Variants in SLC9A9 observed in about 807,000 individuals in gnomAD.
SLC9A9 encodes sodium/hydrogen exchanger 9.
Under a neutral mutation model 77.8 loss-of-function variants are expected in SLC9A9, and 62 were observed. The ratio of observed to expected loss-of-function variants is 0.80; its 90% confidence interval spans 0.65 to 0.98. SLC9A9 has a LOEUF of 0.98. Among genes scored for constraint, SLC9A9 ranks in the 50% least tolerant of loss-of-function variants. The pLI is 0.00. For missense variants in SLC9A9, 775 were observed against 774.9 expected, an observed-to-expected ratio of 1.00 and a Z score of 0.00; for synonymous variants, 320 against 283.5, an observed-to-expected ratio of 1.13 and a Z score of -1.29.
Position 143,832,292 on chromosome 3 carries a change from G to C in SLC9A9, c.176-71C>G, listed in dbSNP as rs1342748210. 32 of 1,349,596 alleles carry C rather than the reference G, an allele frequency of 2.4e-5. No homozygotes were observed. The Admixed American group carries it at 5.7e-4, about 24-fold the overall frequency. 83.6% of individuals were successfully genotyped at this position (1,349,596 alleles called of 1,614,324 possible). Reference sequence around the variant, plus strand: ...AAATGCCACTATTGGAAACCTATATGATTTGGAACCTTCAGAAGTGACAGG... The same window carrying C: ...AAATGCCACTATTGGAAACCTATATCATTTGGAACCTTCAGAAGTGACAGG... On this transcript the variant is annotated intron_variant, in intron 1 of 15. Transcript: ENST00000316549.
At chr3:143,614,014 T>C (rs539174475) in intron 6 of SLC9A9, among the ~76,000 whole-genome samples, 2 of 152,334 alleles carry the variant, frequency 1.3e-5, no homozygotes, top group South Asian at 4.1e-4. Context: ...GTATCTCTCT[T>C]CTATTCAAAT....
intron 9 of SLC9A9, among the ~76,000 whole-genome samples, chr3:143,525,342 T>C (rs1171212028): frequency 6.6e-6 from 1 of 152,198 alleles, no homozygotes; most frequent in Non-Finnish European, 1.5e-5. Context: ...GATATCCCTG[T>C]GTGAGGTAGA....
At chr3:143,417,683 C>T (rs1373850126) in intron 12 of SLC9A9, among the ~76,000 whole-genome samples, 1 of 152,022 alleles carries the variant, frequency 6.6e-6, no homozygotes, top group African/African-American at 2.4e-5. Context: ...AGAGCCCACA[C>T]CAGGAACAGA....
intron 6 of SLC9A9, among the ~76,000 whole-genome samples, chr3:143,618,495 A>G (rs915765598): frequency 2.0e-5 from 3 of 152,174 alleles, no homozygotes; most frequent in Non-Finnish European, 4.4e-5. Context: ...GTAGAAAACC[A>G]CAGACATCCC....
chr3:143,717,129 ACCT>A (rs1560046153), intron 4 of SLC9A9, among the ~76,000 whole-genome samples: 1 of 152,172 alleles, frequency 6.6e-6, no homozygotes, highest in Non-Finnish European at 1.5e-5. Context: ...ACTAAACATA[ACCT>A]CATACAGATC....
intron 14 of SLC9A9, among the ~76,000 whole-genome samples, chr3:143,280,002 G>C (rs994793735): frequency 6.6e-6 from 1 of 152,038 alleles, no homozygotes; most frequent in African/African-American, 2.4e-5. Context: ...AATTTTTTTT[G>C]TAGGGACAGG....
At chr3:143,567,138 T>C (rs2037181726) in intron 8 of SLC9A9, among the ~76,000 whole-genome samples, 1 of 152,066 alleles carries the variant, frequency 6.6e-6, no homozygotes, top group African/African-American at 2.4e-5. Flanking sequence ...ACAGAGAGAA[T>C]TCCTTAGGGT....
chr3:143,619,957 G>A (rs2038172268), intron 6 of SLC9A9, among the ~76,000 whole-genome samples: 1 of 152,330 alleles, frequency 6.6e-6, no homozygotes, highest in African/African-American at 2.4e-5. Context: ...GGAAGTGGCA[G>A]AGGTGGAGCT....
chr3:143,662,242 T>C (rs558911851), intron 5 of SLC9A9, among the ~76,000 whole-genome samples: 1 of 152,218 alleles, frequency 6.6e-6, no homozygotes, highest in African/African-American at 2.4e-5. Flanking sequence ...ATTTTAGCCC[T>C]ACAGTAATCC....
chr3:143,378,881 C>T (rs888301600), intron 13 of SLC9A9, among the ~76,000 whole-genome samples: 5 of 152,144 alleles, frequency 3.3e-5, no homozygotes, highest in African/African-American at 1.2e-4. Flanking sequence ...AATTGTGTAA[C>T]ACCATTCACA....
chr3:143,388,255 T>C (rs2033473103), intron 12 of SLC9A9, among the ~76,000 whole-genome samples: 1 of 152,186 alleles, frequency 6.6e-6, no homozygotes, highest in Non-Finnish European at 1.5e-5. Flanking sequence ...CTGGAGTTTG[T>C]GTAAGACCAA....
intron 9 of SLC9A9, among the ~76,000 whole-genome samples, chr3:143,526,748 G>T (rs780803666): frequency 3.3e-5 from 5 of 152,106 alleles, no homozygotes; most frequent in Non-Finnish European, 7.4e-5. Flanking sequence ...TCCTTGCCAG[G>T]GTTTGAGGCT....
rs550592539 is a variant in SLC9A9 at position 143,369,645 on chromosome 3, T to C, written c.1525-6082A>G. Among the ~76,000 whole-genome samples the C allele has an allele frequency of 7.2e-5, 11 of 152,198 alleles. No homozygotes were observed. The East Asian group carries it at 2.1e-3, about 29-fold the overall frequency. The stretch of plus-strand genomic sequence containing the variant: ...ACAATTATTACGTGCCAGTTAAAAA[T>C]TTTAAAATTAAAAAAAAATCTCTTT... On this transcript the variant is annotated intron_variant, in intron 13 of 15. Transcript: ENST00000316549.
intron 9 of SLC9A9, among the ~76,000 whole-genome samples, chr3:143,528,622 A>T (rs2036447652): frequency 6.6e-6 from 1 of 152,216 alleles, no homozygotes; most frequent in Admixed American, 6.5e-5. Flanking sequence ...CAAGCTGCTT[A>T]GCACCATGAA....
intron 14 of SLC9A9, among the ~76,000 whole-genome samples, chr3:143,363,200 C>A (rs2032801177): frequency 6.6e-6 from 1 of 152,186 alleles, no homozygotes; most frequent in South Asian, 2.1e-4. Flanking sequence ...AACAGCAAAA[C>A]AGCTTCTTCA....
At chr3:143,339,450 T>A (rs760921288) in intron 14 of SLC9A9, among the ~76,000 whole-genome samples, 1 of 152,220 alleles carries the variant, frequency 6.6e-6, no homozygotes, top group South Asian at 2.1e-4. Flanking sequence ...GGATTTTCTC[T>A]GCTTGAATCC....
chr3:143,299,033 T>C (rs1259875239), intron 14 of SLC9A9, among the ~76,000 whole-genome samples: 1 of 152,210 alleles, frequency 6.6e-6, no homozygotes, highest in African/African-American at 2.4e-5. Flanking sequence ...GCCTGTATTA[T>C]TGTATGCTCG....
At chr3:143,671,244 A>G (rs1299930107) in intron 5 of SLC9A9, among the ~76,000 whole-genome samples, 1 of 152,198 alleles carries the variant, frequency 6.6e-6, no homozygotes, top group East Asian at 1.9e-4. Context: ...TTGCTTCTAC[A>G]TATTGATTCA....
At chr3:143,385,294 T>TTCTA (rs779796075) in intron 12 of SLC9A9, among the ~76,000 whole-genome samples, 4 of 152,230 alleles carry the variant, frequency 2.6e-5, no homozygotes, top group Admixed American at 6.5e-5. Flanking sequence ...TATTTTCATT[T>TTCTA]TCTATCTATC....
Sources: gnomAD v4.1 joint callset for allele counts (sites outside exome capture counted in the v4.1 genomes callset) on GRCh38, gnomAD v4.1.1 for gene constraint, MANE v1.5 for transcripts, NCBI Gene and HGNC (gene_info 2026-07-23, HGNC 2026-07-21) for gene names.